FPGS: variants seen among roughly 807,000 people sequenced by gnomAD.
FPGS encodes the protein folylpolyglutamate synthase, also known as folylpolyglutamate synthase, mitochondrial.
In FPGS, 53 loss-of-function variants were observed where a neutral mutation model predicts 66.5. That is an observed-to-expected ratio of 0.80 (90% CI 0.64 to 1.00). FPGS has a LOEUF of 1.00. Among genes scored for constraint, FPGS ranks in the 50% least tolerant of loss-of-function variants. The pLI is 0.00. For synonymous variants in FPGS, 348 were observed against 350.9 expected, an observed-to-expected ratio of 0.99 and a Z score of 0.09; for missense variants, 702 against 807.7, an observed-to-expected ratio of 0.87 and a Z score of 1.59.
At chr9:127,812,126 G>A (rs1006910421) in intron 14 of FPGS, among the ~76,000 whole-genome samples, 5 of 152,036 alleles carry the variant, frequency 3.3e-5, no homozygotes, top group East Asian at 3.9e-4. Flanking sequence ...GTGTACACCC[G>A]TGGTCCTAGC....
intron 14 of FPGS, among the ~76,000 whole-genome samples, chr9:127,811,332 A>C (rs1486018023): frequency 6.6e-6 from 1 of 151,958 alleles, no homozygotes; most frequent in Non-Finnish European, 1.5e-5. Context: ...AATACAAAAA[A>C]TTAGCCAGGC....
Position 127,806,991 on chromosome 9 carries a change from G to A in FPGS, c.405G>A (p.Gln135=). The change falls in exon 5 of 15, where the codon CAG becomes CAA. Residue 135 remains glutamine (Q), a synonymous_variant. Transcript: ENST00000373247. The part of the protein sequence containing the change: ...TGFFSSPHLV[Q]VRERIRINGQ... ...CCGGCAGCTCTCCCCACCTGGTGCA[G>A]GTTCGGGAGCGGATCCGCATCAATG... 1 of 1,614,044 alleles carries A rather than the reference G, an allele frequency of 6.2e-7. No individual in the cohort carries two copies. The highest frequency in any genetic ancestry group is 2.2e-5 in the East Asian group (1 of 44,872).
At position 127,809,828 on chromosome 9, in the gene FPGS, C is replaced by T. The variant is rs1306090676; in HGVS notation, c.1205C>T (p.Pro402Leu). The change falls in exon 12 of 15, where the codon CCG (proline) becomes CTG (leucine). Residue 402 changes from proline (P) to leucine (L), a missense_variant. Around this residue, in one of 3 missense-constraint regions of FPGS, gnomAD observed 351 missense variants for 363.7 expected, o/e 0.97. Coordinates refer to ENST00000373247, the MANE Select transcript of FPGS (RefSeq NM_004957.6). ...CAGGCGCTGCAGGGCCGCGAGAGGC[C>T]GAGCGGGTGAGGGGCAGGGCTGGGG... ...FRQALQGRER[P>L]SGGPEVRVLL... 1 of 1,352,400 alleles carries T rather than the reference C, an allele frequency of 7.4e-7. No individual in the cohort carries two copies. The highest frequency in any genetic ancestry group is 9.7e-7 in the Non-Finnish European group (1 of 1,030,352). 83.8% of individuals were successfully genotyped at this position (1,352,400 alleles called of 1,614,324 possible). A position where few individuals can be genotyped will look rare whatever the true frequency, so the allele number is the denominator to read the frequency against.
At chr9:127,804,253 T>G in intron 1 of FPGS, 32 bp from the exon 2 acceptor site, 1 of 1,608,964 alleles carries the variant, frequency 6.2e-7, no homozygotes, top group Non-Finnish European at 8.5e-7. Context: ...TGAGTGAGCC[T>G]TAACCTACTA....
chr9:127,807,111 G>C lies in FPGS; in HGVS notation c.501+24G>C, dbSNP rs757980068. 6.2e-7 allele frequency: 1 copy of C among 1,611,072 alleles called. No homozygotes were observed. Among genetic ancestry groups the C allele is most frequent in the Non-Finnish European group, 8.5e-7 (1 of 1,177,432 alleles). ...AGGTGCCGCATGCAGGAGGGCTGGC[G>C]GGTGGGTATGGTTGGGGGTGCTACG... On this transcript the variant is annotated intron_variant, in intron 5 of 14. Coordinates refer to ENST00000373247, the MANE Select transcript of FPGS (RefSeq NM_004957.6). The surrounding 1 kb of genome is among the most constrained non-coding windows in gnomAD (Gnocchi z 5.8).
At chr9:127,814,167 G>C (rs936789083), downstream of FPGS, 7 of 985,652 alleles carry the variant, frequency 7.1e-6, no homozygotes, top group Admixed American at 6.1e-5. Flanking sequence ...GAGCCTGGCT[G>C]TGTGGCCTGG....
At chr9:127,810,646 A>T (rs1177888827) in intron 13 of FPGS, among the ~76,000 whole-genome samples, 1 of 152,028 alleles carries the variant, frequency 6.6e-6, no homozygotes, top group Non-Finnish European at 1.5e-5. Flanking sequence ...GCCTTTTTCC[A>T]GCCTGGATTT....
At chr9:127,803,224 G>A (rs1829676626) in intron 1 of FPGS, 162 bp downstream of exon 1, 6 of 1,251,560 alleles carry the variant, frequency 4.8e-6, no homozygotes, top group Non-Finnish European at 6.0e-6. Context: ...TGGGGACAGG[G>A]ACCAGGAAGT....
chr9:127,808,167 TG>T, intron 8 of FPGS, 66 bp from the exon 9 acceptor site: 2 of 1,203,408 alleles, frequency 1.7e-6, no homozygotes. Flanking sequence ...CCCAGGGATG[TG>T]GGGGCCAGAG....
Position 127,807,117 on chromosome 9 carries a change from G to A in FPGS, c.501+30G>A, listed in dbSNP as rs370518868. 127 of 1,610,628 alleles carry A rather than the reference G, an allele frequency of 7.9e-5. No homozygotes were observed. Among genetic ancestry groups the A allele is most frequent in the Non-Finnish European group, 1.0e-4 (120 of 1,176,982 alleles). On this transcript the variant is annotated intron_variant, in intron 5 of 14. Coordinates refer to ENST00000373247, the MANE Select transcript of FPGS (RefSeq NM_004957.6). The surrounding 1 kb of genome is among the most constrained non-coding windows in gnomAD (Gnocchi z 5.8). ...CGCATGCAGGAGGGCTGGCGGGTGG[G>A]TATGGTTGGGGGTGCTACGTGTTCC...
chr9:127,807,523 C>T lies in FPGS; in HGVS notation c.641+41C>T, dbSNP rs557512293. The T allele has an allele frequency of 6.2e-7, 1 of 1,612,814 alleles. No individual in the cohort carries two copies. Among genetic ancestry groups the T allele is most frequent in the South Asian group, 1.1e-5 (1 of 91,046 alleles). On this transcript the variant is annotated intron_variant, in intron 7 of 14. Transcript: ENST00000373247. The surrounding 1 kb of genome is among the most constrained non-coding windows in gnomAD (Gnocchi z 5.8). ...TGGGACGAGGGGTGGCAGCCAGGAG[C>T]ACAGCCTCACCTGCCGCCTGGTGGC...
chr9:127,802,883 T>A lies in FPGS; in HGVS notation c.-42T>A. On this transcript the variant is annotated 5_prime_UTR_variant, in exon 1 of 15. Coordinates refer to ENST00000373247, the MANE Select transcript of FPGS (RefSeq NM_004957.6). The stretch of plus-strand genomic sequence containing the variant: ...GATTGGCTGGGGGCGGGGCGGGGCG[T>A]CTCCCGCCCGGGCCTAGAGCGCTGC... The A allele has an allele frequency of 7.9e-7, 1 of 1,273,474 alleles. No homozygotes were observed. The highest frequency in any genetic ancestry group is 2.4e-5 in the South Asian group (1 of 41,744). 78.9% of individuals were successfully genotyped at this position (1,273,474 alleles called of 1,614,324 possible).
chr9:127,803,128 A>G (rs1180724859), intron 1 of FPGS, 66 bp downstream of exon 1: 7 of 1,276,000 alleles, frequency 5.5e-6, no homozygotes, highest in African/African-American at 4.7e-5. Context: ...GCTGAGCCGC[A>G]GAACATCCGG....
chr9:127,808,943 C>G, intron 11 of FPGS, 54 bp downstream of exon 11: 1 of 941,962 alleles, frequency 1.1e-6, no homozygotes, highest in Non-Finnish European at 1.6e-6. Context: ...TGTGCCCCTT[C>G]AGATTTTTTT....
At chr9:127,806,897 G>C (rs1166242769) in intron 4 of FPGS, 76 bp from the exon 5 acceptor site, 2 of 1,067,790 alleles carry the variant, frequency 1.9e-6, no homozygotes, top group Non-Finnish European at 2.9e-6. Flanking sequence ...GAGGCCAGTA[G>C]CATCAGTCCC....
At position 127,804,717 on chromosome 9, in the gene FPGS, G is replaced by C. The variant is rs1219225985; in HGVS notation, c.386+17G>C. On this transcript the variant is annotated intron_variant, in intron 4 of 14. Transcript: ENST00000373247. ...ATTCTTTAGGTACTGGCTTGTGGGG[G>C]GATGTGGTGTCTGTGTCCCAATGGA... 2 of 1,613,534 alleles carry C rather than the reference G, an allele frequency of 1.2e-6. No homozygotes were observed. The highest frequency in any genetic ancestry group is 1.7e-6 in the Non-Finnish European group (2 of 1,179,680).
At chr9:127,810,735 T>C (rs145724214) in intron 13 of FPGS, among the ~76,000 whole-genome samples, 2 of 152,244 alleles carry the variant, frequency 1.3e-5, no homozygotes, top group South Asian at 2.1e-4. Context: ...GTACAGTAGG[T>C]TGGGGCTTCG....
intron 1 of FPGS, chr9:127,803,482 A>T (rs954745319): frequency 9.9e-6 from 9 of 907,424 alleles, no homozygotes; most frequent in Non-Finnish European, 1.2e-5. Flanking sequence ...AGGATTCAGA[A>T]GATTGGGGAT....
At chr9:127,809,568 C>T (rs1829969927) in intron 11 of FPGS, 116 bp from the exon 12 acceptor site, 2 of 1,035,930 alleles carry the variant, frequency 1.9e-6, no homozygotes, top group Non-Finnish European at 2.6e-6. Flanking sequence ...TGCCGGGGTC[C>T]TGAGTGTTGA....
Sources: allele counts gnomAD v4.1 joint callset (sites outside exome capture counted in the v4.1 genomes callset), GRCh38; gene constraint gnomAD v4.1.1; regional missense constraint gnomAD v4.1.1; non-coding constraint Gnocchi (gnomAD v3.1); transcripts MANE v1.5; gene names NCBI Gene and HGNC (gene_info 2026-07-23, HGNC 2026-07-21).